The following BMPR1B variants were observed in gnomAD, a reference collection of about 807,000 sequenced individuals.
BMPR1B encodes bone morphogenetic protein receptor type 1B, also known as bone morphogenetic protein receptor type-1B.
A neutral mutation model predicts 59.1 loss-of-function variants in BMPR1B; 12 were observed. The ratio of observed to expected loss-of-function variants is 0.20; its 90% CI spans 0.13 to 0.33. The LOEUF is 0.33. BMPR1B is among the 10% of genes least tolerant of loss of function. The pLI, the probability that BMPR1B is intolerant of heterozygous loss-of-function variation, is 1.00. For missense variants in BMPR1B, 550 were observed against 610.9 expected (o/e 0.90, Z 1.05); for synonymous variants, 237 against 207.3 (o/e 1.14, Z -1.23).
chr4:94,815,961 AAATG>A (rs1489952377), intron 1 of BMPR1B, among the ~76,000 whole-genome samples: 1 of 152,188 alleles, frequency 6.6e-6, no homozygotes, highest in Non-Finnish European at 1.5e-5. Context: ...TTATCCTAAA[AAATG>A]AATATGTTTT....
At chr4:94,877,174 G>T (rs1461115974) in intron 2 of BMPR1B, among the ~76,000 whole-genome samples, 1 of 152,146 alleles carries the variant, frequency 6.6e-6, no homozygotes, top group Non-Finnish European at 1.5e-5. Context: ...CAGAATCATA[G>T]AATTTTCTTC....
intron 3 of BMPR1B, among the ~76,000 whole-genome samples, chr4:95,034,883 T>A (rs1248231693): frequency 1.3e-5 from 2 of 152,172 alleles, no homozygotes; most frequent in Non-Finnish European, 2.9e-5. Flanking sequence ...TGTACTAGTT[T>A]ACATTCTCAC....
chr4:95,098,619 T>C (rs1730597658), intron 3 of BMPR1B, among the ~76,000 whole-genome samples: 1 of 152,114 alleles, frequency 6.6e-6, no homozygotes, highest in South Asian at 2.1e-4. Flanking sequence ...TTCTTTTTCA[T>C]GGTTTTCTTA....
At chr4:95,089,163 A>G (rs1729803006) in intron 3 of BMPR1B, among the ~76,000 whole-genome samples, 1 of 152,184 alleles carries the variant, frequency 6.6e-6, no homozygotes, top group Non-Finnish European at 1.5e-5. Flanking sequence ...AATATATCCA[A>G]CTTCTTAAAA....
intron 3 of BMPR1B, among the ~76,000 whole-genome samples, chr4:95,082,394 C>A (rs1404361981): frequency 6.6e-6 from 1 of 152,030 alleles, no homozygotes; most frequent in African/African-American, 2.4e-5. Context: ...ACCTTGTCTG[C>A]TGCTCAGTAG....
intron 1 of BMPR1B, among the ~76,000 whole-genome samples, chr4:94,771,807 G>A (rs1045977468): frequency 3.9e-5 from 6 of 152,254 alleles, no homozygotes; most frequent in South Asian, 2.1e-4. Flanking sequence ...GATAGCCCAG[G>A]TAACTTGCTA....
At chr4:94,919,923 A>G (rs1310910595) in intron 2 of BMPR1B, among the ~76,000 whole-genome samples, 2 of 152,172 alleles carry the variant, frequency 1.3e-5, no homozygotes, top group African/African-American at 2.4e-5. Flanking sequence ...TCATTTTTCT[A>G]TCATATTCTT....
chr4:95,123,780 G>A, intron 6 of BMPR1B, 30 bp from the exon 7 acceptor site: 1 of 1,492,576 alleles, frequency 6.7e-7, no homozygotes, highest in Non-Finnish European at 9.3e-7. Flanking sequence ...ATATTCTCTT[G>A]ATTATGGCTC....
At chr4:94,995,445 A>G (rs931876952) in intron 2 of BMPR1B, among the ~76,000 whole-genome samples, 55 of 152,146 alleles carry the variant, frequency 3.6e-4, no homozygotes, top group African/African-American at 1.1e-3. Flanking sequence ...AAGCAATATT[A>G]AAAAAATTAC....
intron 1 of BMPR1B, among the ~76,000 whole-genome samples, chr4:94,863,630 T>C (rs980787042): frequency 6.6e-6 from 1 of 152,242 alleles, no homozygotes; most frequent in Non-Finnish European, 1.5e-5. Flanking sequence ...TAATATATTT[T>C]AAAATGGACT....
chr4:94,836,825 T>A (rs1407745121), intron 1 of BMPR1B, among the ~76,000 whole-genome samples: 1 of 149,338 alleles, frequency 6.7e-6, no homozygotes. Flanking sequence ...AGACATGAAG[T>A]CCTTGCCCAT....
At chr4:94,786,059 A>G (rs939027499) in intron 1 of BMPR1B, among the ~76,000 whole-genome samples, 12 of 152,236 alleles carry the variant, frequency 7.9e-5, no homozygotes, top group Admixed American at 2.0e-4. Flanking sequence ...GTGGGTAATT[A>G]TGATCCCTGC....
intron 1 of BMPR1B, among the ~76,000 whole-genome samples, chr4:94,791,227 G>T (rs969177677): frequency 2.0e-5 from 3 of 152,136 alleles, no homozygotes; most frequent in African/African-American, 4.8e-5. Flanking sequence ...GATCTCAAGT[G>T]ATCCACCTGC....
intron 8 of BMPR1B, 41 bp downstream of exon 8, chr4:95,125,162 C>A (rs771977340): frequency 1.2e-6 from 2 of 1,609,760 alleles, no homozygotes; most frequent in South Asian, 2.2e-5. Context: ...GAAATGTTTT[C>A]TGAAAGAACT....
intron 2 of BMPR1B, among the ~76,000 whole-genome samples, chr4:94,910,108 C>T (rs1728218797): frequency 6.6e-6 from 1 of 152,010 alleles, no homozygotes; most frequent in Non-Finnish European, 1.5e-5. Context: ...AGTTTAAAAT[C>T]TGTTCTGAAG....
intron 2 of BMPR1B, among the ~76,000 whole-genome samples, chr4:94,917,688 T>A (rs928170981): frequency 1.3e-5 from 2 of 152,156 alleles, no homozygotes; most frequent in Non-Finnish European, 2.9e-5. Flanking sequence ...TTATCTCAGA[T>A]GAGACTTCAG....
At chr4:94,855,698 G>A (rs1231446403) in intron 1 of BMPR1B, among the ~76,000 whole-genome samples, 3 of 152,164 alleles carry the variant, frequency 2.0e-5, no homozygotes, top group Admixed American at 6.5e-5. Flanking sequence ...TGCCACTGGT[G>A]ATATTTGTGA....
chr4:95,127,711 C>T (rs549207261), intron 8 of BMPR1B, among the ~76,000 whole-genome samples: 1 of 152,148 alleles, frequency 6.6e-6, no homozygotes, highest in Admixed American at 6.5e-5. Context: ...GCACAGGGCT[C>T]CTAAAGAGAG....
chr4:95,090,234 TA>T (rs1335536892), intron 3 of BMPR1B, among the ~76,000 whole-genome samples: 6 of 151,894 alleles, frequency 4.0e-5, no homozygotes, highest in Non-Finnish European at 5.9e-5. Context: ...TAAACAGCAA[TA>T]AAAAATAACT....
Sources: gnomAD v4.1 joint callset for allele counts (sites outside exome capture counted in the v4.1 genomes callset) on GRCh38, gnomAD v4.1.1 for gene constraint, MANE v1.5 for transcripts, NCBI Gene and HGNC (gene_info 2026-07-23, HGNC 2026-07-21) for gene names.